Variants in ACACA observed in about 807,000 individuals in gnomAD.
ACACA encodes acetyl-CoA carboxylase 1.
Under a neutral mutation model 296.1 loss-of-function variants are expected in ACACA, and 103 were observed. The ratio of observed to expected loss-of-function variants is 0.35; its 90% CI spans 0.30 to 0.41. The LOEUF (loss-of-function observed/expected upper bound fraction) is 0.41, where lower values mean the gene tolerates loss of function less well. Among genes scored for constraint, ACACA ranks in the 10% least tolerant of loss-of-function variants. The pLI is 1.00. For synonymous variants in ACACA, 953 were observed against 1,038.6 expected, an observed-to-expected ratio of 0.92 and a Z score of 1.58; for missense variants, 1,554 against 2,989.7, an observed-to-expected ratio of 0.52 and a Z score of 11.20.
At chr17:37,104,579 C>T (rs1026853692) in intron 52 of ACACA, among the ~76,000 whole-genome samples, 2 of 152,194 alleles carry the variant, frequency 1.3e-5, no homozygotes, top group Non-Finnish European at 2.9e-5. Context: ...ATCCGCAGCA[C>T]AGTGGCCTAT....
At chr17:37,254,637 T>G (rs1189654471) in intron 14 of ACACA, among the ~76,000 whole-genome samples, 1 of 152,166 alleles carries the variant, frequency 6.6e-6, no homozygotes, top group Non-Finnish European at 1.5e-5. Context: ...TGGACCTCAC[T>G]GTATTGCCAG....
chr17:37,280,532 T>G (rs1428651707), intron 5 of ACACA, among the ~76,000 whole-genome samples: 2 of 152,110 alleles, frequency 1.3e-5, no homozygotes, highest in Non-Finnish European at 2.9e-5. Context: ...CAATAAGGTA[T>G]AATCTCTTAA....
At chr17:37,196,755 G>A (rs1449685548) in intron 35 of ACACA, among the ~76,000 whole-genome samples, 1 of 152,154 alleles carries the variant, frequency 6.6e-6, no homozygotes, top group Non-Finnish European at 1.5e-5. Context: ...AGAAAACTGT[G>A]GAGTTGCAGT....
rs1441843986 is a variant in ACACA at position 37,257,885 on chromosome 17, T to A, written c.1663-19A>T. On this transcript the variant is annotated intron_variant, in intron 13 of 55. Transcript: ENST00000616317. ...TAAAACCCTGTTAGAGAATAAAGAA[T>A]GAGAGACCATATTATGTTTCGAAGG... The A allele has an allele frequency of 5.6e-6, 9 of 1,613,222 alleles. No individual in the cohort carries two copies. The highest frequency in any genetic ancestry group is 6.8e-6 in the Non-Finnish European group (8 of 1,179,250).
intron 52 of ACACA, among the ~76,000 whole-genome samples, chr17:37,106,921 C>A (rs2142950925): frequency 6.6e-6 from 1 of 152,298 alleles, no homozygotes; most frequent in East Asian, 1.9e-4. Flanking sequence ...AAGGATCAAA[C>A]TAAAATGACC....
At chr17:37,282,191 T>A (rs987733845) in intron 5 of ACACA, among the ~76,000 whole-genome samples, 1 of 152,196 alleles carries the variant, frequency 6.6e-6, no homozygotes, top group African/African-American at 2.4e-5. Context: ...TCACTCTAAG[T>A]TCACATGAGA....
chr17:37,269,929 G>A (rs892802735), intron 10 of ACACA, among the ~76,000 whole-genome samples: 10 of 152,198 alleles, frequency 6.6e-5, no homozygotes, highest in Admixed American at 3.9e-4. Flanking sequence ...CTATGTATTG[G>A]TAGGAGGAAA....
chr17:37,332,787 A>G (rs1414164655), intron 2 of ACACA, among the ~76,000 whole-genome samples: 1 of 151,786 alleles, frequency 6.6e-6, no homozygotes, highest in Non-Finnish European at 1.5e-5. Context: ...TAACAAGTGT[A>G]TAATCCCAGC....
At chr17:37,353,633 C>T (rs1302605260) in intron 1 of ACACA, among the ~76,000 whole-genome samples, 11 of 82,370 alleles carry the variant, frequency 1.3e-4, no homozygotes, top group African/African-American at 1.3e-4. Flanking sequence ...AGCAAGACTC[C>T]GTCTAAAAAA....
chr17:37,194,937 C>A (rs1189829373), intron 35 of ACACA, among the ~76,000 whole-genome samples: 1 of 151,256 alleles, frequency 6.6e-6, no homozygotes, highest in Non-Finnish European at 1.5e-5. Flanking sequence ...TCTGACACCC[C>A]CCCCACCCGT....
chr17:37,385,202 T>C (rs1190358560), intron 1 of ACACA, among the ~76,000 whole-genome samples: 1 of 152,180 alleles, frequency 6.6e-6, no homozygotes, highest in Non-Finnish European at 1.5e-5. Flanking sequence ...CTGGGCACAG[T>C]GGCTCATGTC....
At chr17:37,312,337 T>G (rs1287331162) in intron 3 of ACACA, among the ~76,000 whole-genome samples, 1 of 152,184 alleles carries the variant, frequency 6.6e-6, no homozygotes, top group Admixed American at 6.6e-5. Context: ...AAATCAGCTA[T>G]GGCCTAATTG....
chr17:37,144,664 C>T (rs979145253), intron 45 of ACACA, among the ~76,000 whole-genome samples: 4 of 152,184 alleles, frequency 2.6e-5, no homozygotes, highest in African/African-American at 9.7e-5. Flanking sequence ...ATGTAACTTA[C>T]TTGCACCAAG....
intron 1 of ACACA, among the ~76,000 whole-genome samples, chr17:37,371,860 A>T (rs1315031789): frequency 6.6e-6 from 1 of 152,004 alleles, no homozygotes; most frequent in East Asian, 1.9e-4. Flanking sequence ...AGATCACGCC[A>T]CCGTACTCCA....
chr17:37,107,367 T>C (rs947220899), intron 52 of ACACA, among the ~76,000 whole-genome samples: 2 of 152,316 alleles, frequency 1.3e-5, no homozygotes, highest in East Asian at 3.9e-4. Flanking sequence ...AGCTTAACCC[T>C]TAAGTCCCCT....
At chr17:37,159,445 C>T (rs996952999) in intron 42 of ACACA, among the ~76,000 whole-genome samples, 1 of 152,178 alleles carries the variant, frequency 6.6e-6, no homozygotes, top group African/African-American at 2.4e-5. Context: ...TGATCTCGAA[C>T]TCCTGGCCTC....
intron 54 of ACACA, among the ~76,000 whole-genome samples, chr17:37,093,812 T>G (rs2072803964): frequency 6.6e-6 from 1 of 152,178 alleles, no homozygotes; most frequent in Non-Finnish European, 1.5e-5. Flanking sequence ...CTCCATACTT[T>G]ACTCATGTTA....
chr17:37,150,272 C>T (rs1430996647), intron 44 of ACACA, among the ~76,000 whole-genome samples: 1 of 152,042 alleles, frequency 6.6e-6, no homozygotes, highest in African/African-American at 2.4e-5. Flanking sequence ...CCGGGCGAGG[C>T]AGCTCACACC....
At chr17:37,143,655 G>A in intron 45 of ACACA, 1 of 893,788 alleles carries the variant, frequency 1.1e-6, no homozygotes, top group Non-Finnish European at 1.8e-6. Flanking sequence ...TTATAGACAA[G>A]AAAAAAATCT....
Sources: allele counts gnomAD v4.1 joint callset (sites outside exome capture counted in the v4.1 genomes callset), GRCh38; gene constraint gnomAD v4.1.1; transcripts MANE v1.5; gene names NCBI Gene and HGNC (gene_info 2026-07-23, HGNC 2026-07-21).